The following SYNJ2BP variants were observed in gnomAD, a reference collection of about 807,000 sequenced individuals.
SYNJ2BP encodes synaptojanin-2-binding protein.
In SYNJ2BP, 10 loss-of-function variants were observed where a neutral mutation model predicts 16.9. The observed-to-expected ratio is 0.59, with a 90% confidence interval of 0.36 to 1.00. The LOEUF (loss-of-function observed/expected upper bound fraction) is 1.00. SYNJ2BP is among the 50% of genes least tolerant of loss of function. The pLI is 0.01. For missense variants in SYNJ2BP, 162 were observed against 186.7 expected, an observed-to-expected ratio of 0.87 and a Z score of 0.77; for synonymous variants, 54 against 68.4, an observed-to-expected ratio of 0.79 and a Z score of 1.04.
In SYNJ2BP at chr14:70,370,432, G is replaced by A. The variant is rs931964000; in HGVS notation, c.*2559C>T. 1 of 152,186 alleles carries A rather than the reference G, an allele frequency of 6.6e-6. No homozygotes were observed. The highest frequency in any genetic ancestry group is 1.5e-5 in the Non-Finnish European group (1 of 68,034). 9.4% of individuals were successfully genotyped at this position (152,186 alleles called of 1,614,324 possible). A position where few individuals can be genotyped will look rare whatever the true frequency, so the allele number is the denominator to read the frequency against. ...CGTGTTTTTCTGTGGAACCTACAAT[G>A]AGTCCAGTTGTCTAAGTGAGTCTCA... On this transcript the variant is annotated 3_prime_UTR_variant, in exon 4 of 4. Transcript: ENST00000256366.
At chr14:70,379,201 G>T (rs113942836) in intron 2 of SYNJ2BP, among the ~76,000 whole-genome samples, 1 of 152,066 alleles carries the variant, frequency 6.6e-6, no homozygotes, top group Non-Finnish European at 1.5e-5. Context: ...GGTTGGAACC[G>T]ATTCAAATAC....
intron 3 of SYNJ2BP, 82 bp downstream of exon 3, chr14:70,375,594 C>G: frequency 6.7e-7 from 1 of 1,501,214 alleles, no homozygotes; most frequent in Non-Finnish European, 8.9e-7. Context: ...AAAAGCAACA[C>G]TGAAGATTAC....
At position 70,417,019 on chromosome 14, in the gene SYNJ2BP, A is replaced by G; in HGVS notation, c.-56T>C. On this transcript the variant is annotated 5_prime_UTR_variant, in exon 1 of 4. Transcript: ENST00000256366. ...GTCAGCTGGAGTGCAGCACAGGTGAAGGTGAATCAATCTCGGCGCTGCGCC... is the reference window on the plus strand; with the variant it reads ...GTCAGCTGGAGTGCAGCACAGGTGAGGGTGAATCAATCTCGGCGCTGCGCC... 2 of 1,613,172 alleles carry G rather than the reference A, an allele frequency of 1.2e-6. No homozygotes were observed. The highest frequency in any genetic ancestry group is 1.7e-6 in the Non-Finnish European group (2 of 1,179,524).
At chr14:70,414,908 G>A (rs553376744) in intron 1 of SYNJ2BP, among the ~76,000 whole-genome samples, 26 of 152,240 alleles carry the variant, frequency 1.7e-4, no homozygotes, top group African/African-American at 6.3e-4. Flanking sequence ...AGCCTCAAAA[G>A]TCAATAAATA....
At chr14:70,387,040 C>T (rs1887874637) in intron 2 of SYNJ2BP, among the ~76,000 whole-genome samples, 1 of 152,148 alleles carries the variant, frequency 6.6e-6, no homozygotes, top group South Asian at 2.1e-4. Flanking sequence ...GGGCTTATGG[C>T]CCATCTGGAG....
Position 70,416,810 on chromosome 14 carries a change from G to T in SYNJ2BP, c.64+90C>A, listed in dbSNP as rs1042116473. 2.5e-6 allele frequency: 4 copies of T among 1,596,512 alleles called. No homozygotes were observed. The African/African-American group carries it at 4.0e-5, about 16-fold the overall frequency. ...CTCTAGGTTGTGGCCTGCCCGCCCCGAGGCCAGGTGAATCCGGCTCAGCAG... is the reference window on the plus strand; with the variant it reads ...CTCTAGGTTGTGGCCTGCCCGCCCCTAGGCCAGGTGAATCCGGCTCAGCAG... On this transcript the variant is annotated intron_variant, in intron 1 of 3. Transcript: ENST00000256366.
intron 3 of SYNJ2BP, among the ~76,000 whole-genome samples, chr14:70,374,788 T>C (rs1407006012): frequency 6.6e-6 from 1 of 152,142 alleles, no homozygotes; most frequent in Non-Finnish European, 1.5e-5. Context: ...ATCTTTGTAG[T>C]GTTTTATCCA....
chr14:70,374,183 A>G (rs536889137), intron 3 of SYNJ2BP, among the ~76,000 whole-genome samples: 1 of 152,356 alleles, frequency 6.6e-6, no homozygotes, highest in African/African-American at 2.4e-5. Flanking sequence ...AAGAATTGTA[A>G]TCATATTGAA....
At chr14:70,394,081 T>C (rs1888038510) in intron 1 of SYNJ2BP, among the ~76,000 whole-genome samples, 1 of 151,634 alleles carries the variant, frequency 6.6e-6, no homozygotes, top group Admixed American at 6.6e-5. Flanking sequence ...CAGAAACCTA[T>C]TACAGCTATT....
At chr14:70,406,643 T>C (rs1888350995) in intron 1 of SYNJ2BP, among the ~76,000 whole-genome samples, 1 of 152,200 alleles carries the variant, frequency 6.6e-6, no homozygotes, top group Non-Finnish European at 1.5e-5. Flanking sequence ...TTGCAGACCC[T>C]GCACTCAATG....
chr14:70,410,416 C>T (rs559482022), intron 1 of SYNJ2BP, among the ~76,000 whole-genome samples: 1 of 152,104 alleles, frequency 6.6e-6, no homozygotes, highest in Admixed American at 6.5e-5. Flanking sequence ...AAAGTAAGAC[C>T]CTATGTCATA....
At chr14:70,407,541 A>C (rs1198012554) in intron 1 of SYNJ2BP, among the ~76,000 whole-genome samples, 3 of 152,190 alleles carry the variant, frequency 2.0e-5, no homozygotes, top group Non-Finnish European at 2.9e-5. Context: ...AAGCAAAAAA[A>C]AAATTTGTTA....
chr14:70,398,365 C>T (rs548261960), intron 1 of SYNJ2BP, among the ~76,000 whole-genome samples: 1 of 152,310 alleles, frequency 6.6e-6, no homozygotes, highest in South Asian at 2.1e-4. Context: ...TGCCTCCTGC[C>T]ACCATCCATG....
chr14:70,369,476 G>C lies in SYNJ2BP; in HGVS notation c.*3515C>G, dbSNP rs200050068. 7.9e-5 allele frequency: 12 copies of C among 152,318 alleles called. No homozygotes were observed. The East Asian group carries it at 1.5e-3, about 20-fold the overall frequency. The allele number at this position is 152,318 out of a possible 1,614,324, so 9.4% of individuals were successfully genotyped here. A position where few individuals can be genotyped will look rare whatever the true frequency, so the allele number is the denominator to read the frequency against. ...TTGCTTTGAGAACCACTTCCAGTGA[G>C]AGAATATCATTGATGCTGGCATCTG... On this transcript the variant is annotated 3_prime_UTR_variant, in exon 4 of 4. Transcript: ENST00000256366.
At chr14:70,410,031 C>T (rs377587004) in intron 1 of SYNJ2BP, among the ~76,000 whole-genome samples, 1 of 151,712 alleles carries the variant, frequency 6.6e-6, no homozygotes, top group South Asian at 2.1e-4. Context: ...GGCAGGAGGA[C>T]CACCTGAGCC....
At chr14:70,393,742 G>A (rs1178901994) in intron 1 of SYNJ2BP, among the ~76,000 whole-genome samples, 2 of 151,424 alleles carry the variant, frequency 1.3e-5, no homozygotes, top group Non-Finnish European at 2.9e-5. Context: ...ACATAAGTGG[G>A]AGCCGAACAA....
intron 1 of SYNJ2BP, among the ~76,000 whole-genome samples, chr14:70,412,027 G>C (rs1340152187): frequency 6.6e-6 from 1 of 152,212 alleles, no homozygotes; most frequent in South Asian, 2.1e-4. Context: ...GCTAGCAACA[G>C]TTTCAGTTAG....
At chr14:70,399,423 ACT>A (rs1888183511) in intron 1 of SYNJ2BP, among the ~76,000 whole-genome samples, 1 of 151,426 alleles carries the variant, frequency 6.6e-6, no homozygotes, top group African/African-American at 2.4e-5. Flanking sequence ...TCCTCCCCAC[ACT>A]CTCCCTGCAG....
At chr14:70,385,899 C>A (rs76359253) in intron 2 of SYNJ2BP, among the ~76,000 whole-genome samples, 1 of 152,106 alleles carries the variant, frequency 6.6e-6, no homozygotes, top group Non-Finnish European at 1.5e-5. Context: ...GGCTTGGGCA[C>A]AATAATCATG....
Sources: gnomAD v4.1 joint callset for allele counts (sites outside exome capture counted in the v4.1 genomes callset) on GRCh38, gnomAD v4.1.1 for gene constraint, MANE v1.5 for transcripts, NCBI Gene and HGNC (gene_info 2026-07-23, HGNC 2026-07-21) for gene names.